The following PKN2 variants were observed in gnomAD, a reference collection of about 807,000 sequenced individuals.
PKN2 encodes the protein protein kinase N2, also known as serine/threonine-protein kinase N2.
Under a neutral mutation model 119.1 loss-of-function variants are expected in PKN2, and 38 were observed. The observed-to-expected ratio is 0.32, with a 90% confidence interval of 0.25 to 0.42. The LOEUF (loss-of-function observed/expected upper bound fraction) is 0.42. Among genes scored for constraint, PKN2 ranks in the 10% least tolerant of loss-of-function variants. The pLI is 1.00. For missense variants in PKN2, 850 were observed against 1,165.1 expected (o/e 0.73, Z 3.94); for synonymous variants, 390 against 384.9 (o/e 1.01, Z -0.15).
chr1:88,701,986 TCTCA>T (rs1666787856), intron 1 of PKN2, among the ~76,000 whole-genome samples: 1 of 152,048 alleles, frequency 6.6e-6, no homozygotes, highest in South Asian at 2.1e-4. Flanking sequence ...TGAGACAGAG[TCTCA>T]CTCTGTAGCC....
intron 17 of PKN2, 100 bp downstream of exon 17, chr1:88,822,103 T>G (rs1672319344): frequency 9.3e-7 from 1 of 1,076,164 alleles, no homozygotes; most frequent in Non-Finnish European, 1.3e-6. Context: ...TTAACCAGTT[T>G]CTTAGTTTTC....
At position 88,712,539 on chromosome 1, in the gene PKN2, G is replaced by T. The variant is rs556382445; in HGVS notation, c.48+27911G>T. Among the ~76,000 whole-genome samples, 12 of 152,248 alleles carry T rather than the reference G, an allele frequency of 7.9e-5. No homozygotes were observed. The South Asian group carries it at 2.5e-3, about 32-fold the overall frequency. On this transcript the variant is annotated intron_variant, in intron 1 of 21. Coordinates refer to ENST00000370521, the MANE Select transcript of PKN2 (RefSeq NM_006256.4). ...ACTACTAAAATTTCTTCAAGACAGT[G>T]AAGCATACTGTATTCTGAATTATTA...
intron 6 of PKN2, among the ~76,000 whole-genome samples, chr1:88,782,488 A>G (rs1365382528): frequency 6.6e-6 from 1 of 151,928 alleles, no homozygotes; most frequent in Non-Finnish European, 1.5e-5. Flanking sequence ...CACAGTTAAT[A>G]TATGCACTGT....
intron 8 of PKN2, among the ~76,000 whole-genome samples, chr1:88,790,223 G>A (rs560356193): frequency 6.6e-6 from 1 of 152,146 alleles, no homozygotes; most frequent in African/African-American, 2.4e-5. Flanking sequence ...CTTGAGTCTT[G>A]GATCACTCCA....
intron 15 of PKN2, among the ~76,000 whole-genome samples, chr1:88,810,428 A>G (rs1671736488): frequency 6.6e-6 from 1 of 152,068 alleles, no homozygotes; most frequent in African/African-American, 2.4e-5. Flanking sequence ...GGCCAAGACT[A>G]GCATATTTTT....
chr1:88,712,969 CT>C (rs1304920457), intron 1 of PKN2, among the ~76,000 whole-genome samples: 1 of 152,142 alleles, frequency 6.6e-6, no homozygotes, highest in Non-Finnish European at 1.5e-5. Context: ...GTTCCCCACC[CT>C]GTGTCCAAGT....
chr1:88,732,657 T>C (rs1668185095), intron 1 of PKN2, among the ~76,000 whole-genome samples: 1 of 152,214 alleles, frequency 6.6e-6, no homozygotes, highest in South Asian at 2.1e-4. Context: ...TTGACCATTC[T>C]ATATAACAAA....
rs201161454 is a variant in PKN2 at position 88,706,741 on chromosome 1, CT to C, written c.48+22120del. The stretch of plus-strand genomic sequence containing the variant: ...TATTGAGACAATAATGGTTTTCCTT[CT>C]TTTTTTAGCATCATTGCACAGTTTT... On this transcript the variant is annotated intron_variant, in intron 1 of 21. Coordinates refer to ENST00000370521, the MANE Select transcript of PKN2 (RefSeq NM_006256.4). 5.9e-3 allele frequency among the ~76,000 whole-genome samples: 901 copies of C among 152,080 alleles called. 8 individuals carry two copies. The highest frequency in any genetic ancestry group is 8.7e-3 in the Non-Finnish European group (590 of 67,948).
At chr1:88,829,913 C>A (rs950157215) in intron 19 of PKN2, among the ~76,000 whole-genome samples, 1 of 152,126 alleles carries the variant, frequency 6.6e-6, no homozygotes, top group African/African-American at 2.4e-5. Flanking sequence ...GTTTTAGTTT[C>A]GCCGGATGGA....
In PKN2 at chr1:88,729,918, T is replaced by G. The variant is rs75787980; in HGVS notation, c.49-11070T>G. Among the ~76,000 whole-genome samples, 685 of 152,008 alleles carry G rather than the reference T, an allele frequency of 4.5e-3. 2 individuals carry two copies. The highest frequency in any genetic ancestry group is 0.015 in the African/African-American group (641 of 41,470). On this transcript the variant is annotated intron_variant, in intron 1 of 21. Transcript: ENST00000370521. ...TTCATTCAAAGTAAAAACCAAAGTC[T>G]TCTTTGGGAGGCCAAGGCGGGCGGA...
At chr1:88,716,913 G>T (rs1042253302) in intron 1 of PKN2, among the ~76,000 whole-genome samples, 1 of 152,188 alleles carries the variant, frequency 6.6e-6, no homozygotes, top group African/African-American at 2.4e-5. Context: ...AATTTGGCAT[G>T]TTTTTGCAGT....
chr1:88,766,079 C>T (rs961844187), intron 3 of PKN2, among the ~76,000 whole-genome samples: 1 of 152,210 alleles, frequency 6.6e-6, no homozygotes, highest in Non-Finnish European at 1.5e-5. Flanking sequence ...TCCCAAAGTG[C>T]TGGGATTACA....
At chr1:88,826,242 AAT>A (rs1280373316) in intron 18 of PKN2, among the ~76,000 whole-genome samples, 1 of 152,178 alleles carries the variant, frequency 6.6e-6, no homozygotes, top group Non-Finnish European at 1.5e-5. Flanking sequence ...AGGTGCAGAA[AAT>A]ATGTGTGTTG....
At chr1:88,781,267 C>T (rs1670331161) in intron 6 of PKN2, 4 of 582,722 alleles carry the variant, frequency 6.9e-6, no homozygotes, top group South Asian at 2.2e-5. Flanking sequence ...CTGAAATTTG[C>T]CAGTTTGTTG....
intron 2 of PKN2, among the ~76,000 whole-genome samples, 175 bp from the exon 3 acceptor site, chr1:88,760,047 T>G (rs971524585): frequency 5.3e-5 from 5 of 95,004 alleles, no homozygotes; most frequent in East Asian, 5.6e-4. Context: ...CAGATACGTG[T>G]TTTTTTTTTT....
chr1:88,828,661 A>T, intron 19 of PKN2, 38 bp downstream of exon 19: 2 of 1,541,084 alleles, frequency 1.3e-6, no homozygotes, highest in Non-Finnish European at 1.8e-6. Context: ...CAGAGGAAGG[A>T]TGATTGAAAT....
intron 1 of PKN2, among the ~76,000 whole-genome samples, chr1:88,722,708 G>A (rs1410961651): frequency 6.6e-6 from 1 of 151,786 alleles, no homozygotes; most frequent in Non-Finnish European, 1.5e-5. Flanking sequence ...ACTTGATCTT[G>A]AGGGGTTGAG....
At chr1:88,716,006 G>A (rs1398358785) in intron 1 of PKN2, among the ~76,000 whole-genome samples, 2 of 152,042 alleles carry the variant, frequency 1.3e-5, no homozygotes, top group Non-Finnish European at 2.9e-5. Flanking sequence ...TGTTCTCATT[G>A]GTTTCAAATA....
intron 16 of PKN2, among the ~76,000 whole-genome samples, chr1:88,821,710 G>A (rs143642832): frequency 2.0e-4 from 31 of 152,188 alleles, no homozygotes; most frequent in African/African-American, 6.5e-4. Context: ...CCCCTCTGAG[G>A]TTCTCAGTGA....
Sources: allele counts gnomAD v4.1 joint callset (sites outside exome capture counted in the v4.1 genomes callset), GRCh38; gene constraint gnomAD v4.1.1; transcripts MANE v1.5; gene names NCBI Gene and HGNC (gene_info 2026-07-23, HGNC 2026-07-21).